RANBP2: variants seen among roughly 807,000 people sequenced by gnomAD.
The protein encoded by RANBP2 is RAN binding protein 2.
RANBP2 carries 57 observed loss-of-function variants against 303.6 expected under a neutral mutation model. The observed-to-expected ratio is 0.19, with a 90% CI of 0.15 to 0.23. The LOEUF is 0.23. Ranked by LOEUF, RANBP2 falls within the 10% of genes least tolerant of loss-of-function variation. The probability of loss-of-function intolerance (pLI) is 1.00; values close to 1 mark genes in which losing one functional copy is unlikely to be tolerated. For synonymous variants in RANBP2, 1,167 were observed against 1,301.5 expected (o/e 0.90, Z 2.23); for missense variants, 3,138 against 3,780.8 (o/e 0.83, Z 4.46).
the RANBP2 span, among the ~76,000 whole-genome samples, chr2:109,646,262 C>T: frequency 2.0e-5 from 3 of 152,068 alleles, no homozygotes; most frequent in African/African-American, 4.8e-5. Context: ...GTGAGACGCT[C>T]ACATCGGGTG....
At chr2:109,659,253 T>A in the RANBP2 span, among the ~76,000 whole-genome samples, 253 of 151,802 alleles carry the variant, frequency 1.7e-3, 1 homozygote, top group African/African-American at 6.0e-3. Flanking sequence ...GGTGTGTGCC[T>A]GTAGTCCCAG....
the RANBP2 span, among the ~76,000 whole-genome samples, chr2:109,148,117 C>A: frequency 6.6e-6 from 1 of 152,214 alleles, no homozygotes; most frequent in African/African-American, 2.4e-5. Flanking sequence ...TACACAGCCC[C>A]CTTTGTGTGG....
chr2:108,913,156 A>G, the RANBP2 span, among the ~76,000 whole-genome samples: 390 of 151,906 alleles, frequency 2.6e-3, 4 homozygotes, highest in South Asian at 0.037. Flanking sequence ...TCACCATGTT[A>G]GCCAGGATGG....
chr2:109,189,114 G>T, the RANBP2 span, among the ~76,000 whole-genome samples: 1 of 152,024 alleles, frequency 6.6e-6, no homozygotes, highest in African/African-American at 2.4e-5. Flanking sequence ...TGCCTCCACT[G>T]CCTTGCTAGC....
the RANBP2 span, among the ~76,000 whole-genome samples, chr2:108,815,461 G>GTTTTTTTTTTTTTTTTTTTTT: frequency 1.4e-5 from 1 of 70,700 alleles, no homozygotes; most frequent in African/African-American, 5.5e-5. Context: ...GGTTTTTGGT[G>GTTTTTTTTTTTTTTTTTTTTT]TTTTTTTTTT....
At chr2:109,319,287 G>A in the RANBP2 span, among the ~76,000 whole-genome samples, 286 of 152,312 alleles carry the variant, frequency 1.9e-3, 1 homozygote, top group Non-Finnish European at 3.5e-3. Context: ...TCCTGGCATC[G>A]TGATATGAAC....
chr2:108,744,262 C>T (rs1223451310), intron 7 of RANBP2, among the ~76,000 whole-genome samples: 7 of 152,026 alleles, frequency 4.6e-5, no homozygotes, highest in Non-Finnish European at 5.9e-5. Flanking sequence ...AAATTAGCCA[C>T]GCATGGTGGC....
At chr2:109,338,922 A>T in the RANBP2 span, among the ~76,000 whole-genome samples, 2 of 107,064 alleles carry the variant, frequency 1.9e-5, no homozygotes, top group East Asian at 3.3e-4. Context: ...GATAACACAA[A>T]CAGTTGATCA....
At chr2:109,687,741 A>ATTT in the RANBP2 span, among the ~76,000 whole-genome samples, 2 of 133,466 alleles carry the variant, frequency 1.5e-5, no homozygotes, top group Admixed American at 7.7e-5. Context: ...AGGTCAGGGG[A>ATTT]TTTTTTTTTT....
the RANBP2 span, among the ~76,000 whole-genome samples, chr2:109,505,437 C>T: frequency 2.6e-5 from 4 of 152,260 alleles, no homozygotes; most frequent in South Asian, 6.2e-4. Context: ...ACTCTGGAGG[C>T]TAAGGCAGGA....
chr2:109,345,657 A>T, the RANBP2 span, among the ~76,000 whole-genome samples: 5 of 152,176 alleles, frequency 3.3e-5, no homozygotes, highest in African/African-American at 1.2e-4. Flanking sequence ...AAGTGTCTCC[A>T]TGTAGCCAAT....
chr2:109,021,760 T>A, the RANBP2 span, among the ~76,000 whole-genome samples: 1 of 152,042 alleles, frequency 6.6e-6, no homozygotes, highest in South Asian at 2.1e-4. Flanking sequence ...AGCTGTGAAC[T>A]CACCTGGGCA....
chr2:108,923,635 T>G, the RANBP2 span, among the ~76,000 whole-genome samples: 2 of 152,246 alleles, frequency 1.3e-5, no homozygotes, highest in Admixed American at 6.5e-5. Context: ...TGTCTTGAAA[T>G]GGAGCATTCT....
At chr2:108,791,336 A>G in the RANBP2 span, among the ~76,000 whole-genome samples, 1 of 152,128 alleles carries the variant, frequency 6.6e-6, no homozygotes, top group East Asian at 1.9e-4. Context: ...GGTTTAGTTT[A>G]CTTATGTATA....
chr2:108,793,995 A>T, the RANBP2 span, among the ~76,000 whole-genome samples: 3 of 152,290 alleles, frequency 2.0e-5, no homozygotes, highest in South Asian at 6.2e-4. Context: ...CACCTATAGG[A>T]GGATGCTGTA....
chr2:109,279,169 G>A, the RANBP2 span, among the ~76,000 whole-genome samples: 5 of 152,138 alleles, frequency 3.3e-5, no homozygotes, highest in African/African-American at 1.2e-4. Context: ...GCTGTGGTCC[G>A]GATTCCATGC....
chr2:109,476,460 C>T, the RANBP2 span, among the ~76,000 whole-genome samples: 3 of 152,218 alleles, frequency 2.0e-5, no homozygotes, highest in East Asian at 5.8e-4. Context: ...CCATCAGACT[C>T]TTCAGACAGT....
At chr2:108,779,163 GTCTT>G (rs1382199402) in intron 25 of RANBP2, among the ~76,000 whole-genome samples, 1 of 149,866 alleles carries the variant, frequency 6.7e-6, no homozygotes, top group Non-Finnish European at 1.5e-5. Flanking sequence ...AAGAATTTTT[GTCTT>G]TCTGTCTCTT....
At chr2:109,766,678 C>T in the RANBP2 span, among the ~76,000 whole-genome samples, 14 of 145,778 alleles carry the variant, frequency 9.6e-5, no homozygotes, top group African/African-American at 2.3e-4. Context: ...TGAACAAAGA[C>T]CTTTGGCTTA....
Sources: gnomAD v4.1 joint callset for allele counts (sites outside exome capture counted in the v4.1 genomes callset) on GRCh38, gnomAD v4.1.1 for gene constraint, MANE v1.5 for transcripts, NCBI Gene and HGNC (gene_info 2026-07-23, HGNC 2026-07-21) for gene names.